The following CHRM2 variants were observed in gnomAD, a reference collection of about 807,000 sequenced individuals.
The protein encoded by CHRM2 is cholinergic receptor muscarinic 2.
A neutral mutation model predicts 25.0 loss-of-function variants in CHRM2; 8 were observed. The observed-to-expected ratio is 0.32, with a 90% CI of 0.19 to 0.58. The LOEUF (loss-of-function observed/expected upper bound fraction) is 0.58. CHRM2 is among the 20% of genes least tolerant of loss of function. CHRM2 has a pLI of 0.88. For synonymous variants in CHRM2, 202 were observed against 205.7 expected (o/e 0.98, Z 0.15); for missense variants, 440 against 567.1 (o/e 0.78, Z 2.28).
chr7:136,903,995 TTTAA>T (rs1381982789), intron 2 of CHRM2, among the ~76,000 whole-genome samples: 2 of 151,986 alleles, frequency 1.3e-5, no homozygotes, highest in Admixed American at 6.6e-5. Context: ...ATCCAATGGC[TTTAA>T]TTGTCATGAT....
At chr7:136,915,768 G>A (rs1196174399) in intron 2 of CHRM2, among the ~76,000 whole-genome samples, 1 of 151,578 alleles carries the variant, frequency 6.6e-6, no homozygotes, top group Admixed American at 6.6e-5. Context: ...GCCAACCTCA[G>A]TGAATTCAGT....
chr7:136,910,069 T>G (rs2130677967), intron 2 of CHRM2, among the ~76,000 whole-genome samples: 1 of 151,702 alleles, frequency 6.6e-6, no homozygotes, highest in Admixed American at 6.6e-5. Context: ...AGGTGAGGGG[T>G]TGGGCTGGAG....
intron 2 of CHRM2, among the ~76,000 whole-genome samples, chr7:136,987,365 C>T (rs1424549809): frequency 6.6e-6 from 1 of 152,170 alleles, no homozygotes; most frequent in Non-Finnish European, 1.5e-5. Context: ...TGGGGACTGC[C>T]CTTGGGGCTT....
At chr7:136,949,061 G>A (rs1210124339) in intron 2 of CHRM2, among the ~76,000 whole-genome samples, 2 of 152,176 alleles carry the variant, frequency 1.3e-5, no homozygotes, top group African/African-American at 2.4e-5. Context: ...ATATGTATCT[G>A]TGCTAGTCAC....
At chr7:137,002,789 C>A (rs926749034) in intron 3 of CHRM2, among the ~76,000 whole-genome samples, 1 of 152,000 alleles carries the variant, frequency 6.6e-6, no homozygotes, top group Non-Finnish European at 1.5e-5. Context: ...AGAGTACATG[C>A]TTTGTTTCTG....
chr7:136,925,116 C>CAACATAATAA (rs1459476295), intron 2 of CHRM2, among the ~76,000 whole-genome samples: 14 of 152,114 alleles, frequency 9.2e-5, no homozygotes, highest in Admixed American at 2.6e-4. Context: ...ACTTAAAATG[C>CAACATAATAA]AACATAATAA....
intron 2 of CHRM2, among the ~76,000 whole-genome samples, chr7:136,964,524 C>T (rs549272004): frequency 1.1e-3 from 163 of 152,258 alleles, no homozygotes; most frequent in African/African-American, 1.4e-3. Context: ...GAAAATATTA[C>T]GAGACCAGTC....
chr7:137,016,446 C>A lies in CHRM2; in HGVS notation c.*180C>A. On this transcript the variant is annotated 3_prime_UTR_variant, in exon 4 of 4. Coordinates refer to ENST00000680005, the MANE Select transcript of CHRM2 (RefSeq NM_001006630.2). ...CCTAGGCTCCAGTTTGCAAAAATTG[C>A]ACCTTATAAACTGTCAGTATTAGGA... is the stretch of plus-strand genomic sequence containing the variant. 1.6e-6 allele frequency: 1 copy of A among 639,278 alleles called. No homozygotes were observed. The highest frequency in any genetic ancestry group is 2.8e-6 in the Non-Finnish European group (1 of 359,056). 39.6% of individuals were successfully genotyped at this position (639,278 alleles called of 1,614,324 possible).
chr7:137,015,788 T>C lies in CHRM2; in HGVS notation c.923T>C (p.Val308Ala), dbSNP rs1254119125. Residue 308 changes from valine (V) to alanine (A), a missense_variant, in exon 4 of 4, where the codon GTT becomes GCT. Physicochemically the swap from Val to Ala is moderately conservative, Grantham distance 64. This residue lies in a region of CHRM2 where 261 missense variants were observed against 261.8 expected (regional missense o/e 1.00). Coordinates refer to ENST00000680005, the MANE Select transcript of CHRM2 (RefSeq NM_001006630.2). This position sits in a 1 kb window ranked among gnomAD's most constrained non-coding sequence, Gnocchi z 5.1. ...GAAATAACCCAGGATGAAAACACAG[T>C]TTCCACTTCCCTGGGCCATTCCAAA... The part of the protein sequence containing the change: ...DDEITQDENT[V>A]STSLGHSKDE... The C allele has an allele frequency of 6.2e-7, 1 of 1,613,086 alleles. No individual in the cohort carries two copies. The highest frequency in any genetic ancestry group is 8.5e-7 in the Non-Finnish European group (1 of 1,179,478).
chr7:136,897,104 T>TGTG (rs1196982370), intron 2 of CHRM2, among the ~76,000 whole-genome samples: 3 of 146,656 alleles, frequency 2.0e-5, no homozygotes, highest in East Asian at 2.0e-4. Context: ...GTTGAATATG[T>TGTG]GTGGTGGTGG....
At chr7:137,014,366 C>T (rs1805029397) in intron 3 of CHRM2, among the ~76,000 whole-genome samples, 1 of 151,978 alleles carries the variant, frequency 6.6e-6, no homozygotes, top group African/African-American at 2.4e-5. Context: ...AAAAGTCACA[C>T]ATTCAATATT....
chr7:136,977,934 C>G (rs957915538), intron 2 of CHRM2, among the ~76,000 whole-genome samples: 9 of 152,058 alleles, frequency 5.9e-5, no homozygotes, highest in African/African-American at 2.2e-4. Flanking sequence ...GGTAGGGGTC[C>G]GGTTTCATTC....
intron 2 of CHRM2, among the ~76,000 whole-genome samples, chr7:136,973,835 G>A (rs1250831844): frequency 6.6e-6 from 1 of 152,046 alleles, no homozygotes; most frequent in Non-Finnish European, 1.5e-5. Flanking sequence ...TTCTTTTAAA[G>A]AGCCAAATGG....
chr7:137,018,510 T>C lies in CHRM2; in HGVS notation c.*2244T>C, dbSNP rs1391904240. On this transcript the variant is annotated 3_prime_UTR_variant, in exon 4 of 4. Coordinates refer to ENST00000680005, the MANE Select transcript of CHRM2 (RefSeq NM_001006630.2). ...AGTTTCTGAAAACCAGAGAATTGACTAGCCAAGTATTTCCCTTTTTAATGT... is the reference window on the plus strand; with the variant it reads ...AGTTTCTGAAAACCAGAGAATTGACCAGCCAAGTATTTCCCTTTTTAATGT... 2 of 151,964 alleles carry C rather than the reference T, an allele frequency of 1.3e-5. No homozygotes were observed. Among genetic ancestry groups the C allele is most frequent in the Admixed American group, 1.3e-4 (2 of 15,218 alleles). 9.4% of individuals were successfully genotyped at this position (151,964 alleles called of 1,614,324 possible).
chr7:136,919,652 T>C lies in CHRM2; in HGVS notation c.-125+50234T>C, dbSNP rs544459810. 3.3e-5 allele frequency among the ~76,000 whole-genome samples: 5 copies of C among 152,242 alleles called. No individual in the cohort carries two copies. In the South Asian group the frequency reaches 1.0e-3, roughly 32 times the overall value. On this transcript the variant is annotated intron_variant, in intron 2 of 3. Transcript: ENST00000680005. ...TTAATTCTGTGACCCTATAAACCCA[T>C]GTATAGTTCCCCCAATGTACCGTGG...
At chr7:136,908,283 A>G (rs915042814) in intron 2 of CHRM2, among the ~76,000 whole-genome samples, 2 of 151,886 alleles carry the variant, frequency 1.3e-5, no homozygotes, top group African/African-American at 4.8e-5. Context: ...TAATTTGCTC[A>G]AGGTTAAACA....
At chr7:136,945,310 A>T (rs1416707741) in intron 2 of CHRM2, among the ~76,000 whole-genome samples, 5 of 152,048 alleles carry the variant, frequency 3.3e-5, no homozygotes, top group Non-Finnish European at 7.4e-5. Context: ...TGCCTAAGCC[A>T]ATGTCTAGAA....
At chr7:136,938,571 C>A (rs1001860156) in intron 2 of CHRM2, 5 of 891,910 alleles carry the variant, frequency 5.6e-6, no homozygotes, top group Non-Finnish European at 9.5e-6. Flanking sequence ...CTGGCCCCAC[C>A]ATAGCCGCTG....
intron 2 of CHRM2, among the ~76,000 whole-genome samples, chr7:136,889,855 A>C (rs188073599): frequency 2.0e-5 from 3 of 152,268 alleles, no homozygotes; most frequent in Non-Finnish European, 2.9e-5. Context: ...AATTATGTTT[A>C]AATTCGTTAG....
Sources: allele counts gnomAD v4.1 joint callset (sites outside exome capture counted in the v4.1 genomes callset), GRCh38; gene constraint gnomAD v4.1.1; regional missense constraint gnomAD v4.1.1; non-coding constraint Gnocchi (gnomAD v3.1); transcripts MANE v1.5; gene names NCBI Gene and HGNC (gene_info 2026-07-23, HGNC 2026-07-21).